STAU2: variants seen among roughly 807,000 people sequenced by gnomAD.
The protein encoded by STAU2 is staufen double-stranded RNA binding protein 2.
Under a neutral mutation model 65.9 loss-of-function variants are expected in STAU2, and 20 were observed. The ratio of observed to expected loss-of-function variants is 0.30; its 90% confidence interval spans 0.21 to 0.44. STAU2 has a LOEUF of 0.44. Among genes scored for constraint, STAU2 ranks in the 20% least tolerant of loss-of-function variants. The probability of loss-of-function intolerance (pLI) is 1.00; values close to 1 mark genes in which losing one functional copy is unlikely to be tolerated. For synonymous variants in STAU2, 232 were observed against 233.9 expected, an observed-to-expected ratio of 0.99 and a Z score of 0.07; for missense variants, 558 against 683.9, an observed-to-expected ratio of 0.82 and a Z score of 2.05.
At chr8:73,688,381 G>T (rs1819091619) in intron 5 of STAU2, among the ~76,000 whole-genome samples, 1 of 150,828 alleles carries the variant, frequency 6.6e-6, no homozygotes, top group Non-Finnish European at 1.5e-5. Flanking sequence ...GGCCAGGATG[G>T]TCTCGAACTA....
chr8:73,518,512 T>G (rs528378680), intron 13 of STAU2, among the ~76,000 whole-genome samples: 2 of 152,228 alleles, frequency 1.3e-5, no homozygotes, highest in African/African-American at 2.4e-5. Context: ...AAATAATGGT[T>G]GTGGCTGTGT....
intron 13 of STAU2, among the ~76,000 whole-genome samples, chr8:73,423,668 TAGGG>T (rs1271898903): frequency 3.9e-5 from 6 of 152,338 alleles, no homozygotes; most frequent in Admixed American, 3.3e-4. Flanking sequence ...AGAGCTCCTT[TAGGG>T]TAGCTGACTA....
intron 6 of STAU2, among the ~76,000 whole-genome samples, chr8:73,627,572 T>A (rs1047916235): frequency 5.3e-5 from 8 of 152,134 alleles, no homozygotes; most frequent in Admixed American, 3.3e-4. Context: ...ATTTGTTTCA[T>A]AAGAAAAAAT....
intron 3 of STAU2, among the ~76,000 whole-genome samples, chr8:73,718,092 G>A (rs1821380763): frequency 6.6e-6 from 1 of 152,078 alleles, no homozygotes; most frequent in African/African-American, 2.4e-5. Flanking sequence ...TGCTCCCAGG[G>A]GAACTAACGT....
At chr8:73,598,100 A>G (rs768026483) in intron 10 of STAU2, among the ~76,000 whole-genome samples, 8 of 152,250 alleles carry the variant, frequency 5.3e-5, no homozygotes, top group Non-Finnish European at 1.0e-4. Context: ...ATAGAAAAAG[A>G]AAAAGATTCA....
chr8:73,572,681 T>C (rs4738386), intron 12 of STAU2, among the ~76,000 whole-genome samples: 5,723 of 152,246 alleles, frequency 0.038, 315 homozygotes, highest in Admixed American at 0.15. Context: ...GAAAAGGCCT[T>C]TGACAAAATT....
rs1041625120 is a variant in STAU2 at position 73,421,418 on chromosome 8, G to C, written c.1667C>G (p.Pro556Arg). The C allele has an allele frequency of 7.2e-6, 11 of 1,537,124 alleles. No homozygotes were observed. Among genetic ancestry groups the C allele is most frequent in the Middle Eastern group, 3.3e-4 (2 of 6,010 alleles). The stretch of plus-strand genomic sequence containing the variant: ...CTTGCAGTCCTGAGCGATGGAGCCC[G>C]GGGGTGCCTGGTTATTGTCCGCTTT... ...REKADNNQAPPGSIAQDCKKS... is the reference protein window; with the variant it reads ...REKADNNQAPRGSIAQDCKKS... The change falls in exon 15 of 15, where the codon CCG (proline) becomes CGG (arginine). Residue 556 changes from proline to arginine, a missense_variant. Pro to Arg is a moderately radical substitution (Grantham distance 103). This residue lies in a region of STAU2 where 247 missense variants were observed against 270.1 expected (regional missense o/e 0.91). Transcript: ENST00000524300.
chr8:73,746,430 G>A (rs1021397534), intron 1 of STAU2, among the ~76,000 whole-genome samples: 2 of 149,392 alleles, frequency 1.3e-5, no homozygotes, highest in African/African-American at 5.0e-5. Context: ...GCCCGCAGCC[G>A]CGTTCCTGTC....
chr8:73,510,676 A>G (rs1208561825), intron 13 of STAU2, among the ~76,000 whole-genome samples: 2 of 152,188 alleles, frequency 1.3e-5, no homozygotes, highest in Admixed American at 1.3e-4. Context: ...TTCACATAGC[A>G]GCAGCAAGGA....
chr8:73,721,620 T>C (rs965837408), intron 3 of STAU2, among the ~76,000 whole-genome samples: 2 of 152,186 alleles, frequency 1.3e-5, no homozygotes, highest in East Asian at 3.8e-4. Flanking sequence ...AACATCATTA[T>C]GTCCTCTTAA....
At chr8:73,591,186 A>T (rs1435546876) in intron 11 of STAU2, among the ~76,000 whole-genome samples, 2 of 152,224 alleles carry the variant, frequency 1.3e-5, no homozygotes, top group East Asian at 3.8e-4. Flanking sequence ...AAGCAAAATT[A>T]GTAACAGTGA....
chr8:73,539,412 A>G lies in STAU2; in HGVS notation c.1530+12600T>C, dbSNP rs1806382003. ...ATCTGCAATTAATGAATGGATATAA[A>G]ATCTCTGCAGAGAAACAGAAACTAA... On this transcript the variant is annotated intron_variant, in intron 13 of 14. Transcript: ENST00000524300. 3.3e-5 allele frequency among the ~76,000 whole-genome samples: 5 copies of G among 152,192 alleles called. No individual in the cohort carries two copies. In the South Asian group the frequency reaches 1.0e-3, roughly 31 times the overall value.
intron 13 of STAU2, among the ~76,000 whole-genome samples, chr8:73,541,365 G>A (rs7812995): frequency 0.35 from 52,658 of 152,074 alleles, 10,534 homozygotes; most frequent in Non-Finnish European, 0.45. Flanking sequence ...TTATAAGGTA[G>A]AAATACTGAG....
chr8:73,525,753 G>A (rs1157793465), intron 13 of STAU2, among the ~76,000 whole-genome samples: 1 of 152,116 alleles, frequency 6.6e-6, no homozygotes, highest in Non-Finnish European at 1.5e-5. Context: ...TTCCAAGAGA[G>A]GTATCCCACG....
intron 13 of STAU2, among the ~76,000 whole-genome samples, chr8:73,490,032 C>T (rs1267557812): frequency 6.6e-6 from 1 of 151,984 alleles, no homozygotes; most frequent in Non-Finnish European, 1.5e-5. Context: ...CTACTACAAC[C>T]TTTGTTAATT....
intron 12 of STAU2, among the ~76,000 whole-genome samples, chr8:73,580,106 C>T (rs754173108): frequency 4.6e-5 from 7 of 152,054 alleles, no homozygotes; most frequent in South Asian, 2.1e-4. Context: ...AAGCTAATTT[C>T]GTATTATTTA....
chr8:73,458,202 T>C (rs1819168075), intron 13 of STAU2, among the ~76,000 whole-genome samples: 1 of 152,218 alleles, frequency 6.6e-6, no homozygotes, highest in African/African-American at 2.4e-5. Context: ...TAAAATAAAA[T>C]TGGTCCTAGG....
intron 13 of STAU2, among the ~76,000 whole-genome samples, chr8:73,542,049 T>C (rs1806578975): frequency 6.6e-6 from 1 of 150,500 alleles, no homozygotes; most frequent in South Asian, 2.1e-4. Context: ...ATTCCAAAAA[T>C]GGTTAATAAA....
intron 6 of STAU2, among the ~76,000 whole-genome samples, chr8:73,665,590 G>T (rs1817175235): frequency 6.6e-6 from 1 of 152,100 alleles, no homozygotes; most frequent in African/African-American, 2.4e-5. Flanking sequence ...TAATTTAATG[G>T]CCTTGGAATA....
Sources: gnomAD v4.1 joint callset for allele counts (sites outside exome capture counted in the v4.1 genomes callset) on GRCh38, gnomAD v4.1.1 for gene constraint, gnomAD v4.1.1 regional missense constraint, MANE v1.5 for transcripts, NCBI Gene and HGNC (gene_info 2026-07-23, HGNC 2026-07-21) for gene names.